Variants in PTPRN2 observed in about 807,000 individuals in gnomAD.
PTPRN2 encodes receptor-type tyrosine-protein phosphatase N2.
Under a neutral mutation model 118.8 loss-of-function variants are expected in PTPRN2, and 74 were observed. The observed-to-expected ratio is 0.62, with a 90% CI of 0.52 to 0.76. The LOEUF is 0.76. Ranked by LOEUF, PTPRN2 falls within the 30% of genes least tolerant of loss-of-function variation. PTPRN2 has a pLI of 0.00. For missense variants in PTPRN2, 1,481 were observed against 1,394.4 expected (o/e 1.06, Z -0.99); for synonymous variants, 641 against 608.0 (o/e 1.05, Z -0.80).
intron 3 of PTPRN2, among the ~76,000 whole-genome samples, chr7:158,244,319 G>A (rs1177105499): frequency 6.6e-6 from 1 of 152,252 alleles, no homozygotes; most frequent in Non-Finnish European, 1.5e-5. Flanking sequence ...ATTAAAAGGT[G>A]AAAGGTCAAG....
intron 1 of PTPRN2, among the ~76,000 whole-genome samples, chr7:158,493,156 C>G (rs1429005467): frequency 6.6e-6 from 1 of 152,224 alleles, no homozygotes; most frequent in Non-Finnish European, 1.5e-5. Flanking sequence ...AGGGGTTCCT[C>G]CTCACTCTGT....
chr7:158,242,328 TAGAG>T (rs1218780881), intron 3 of PTPRN2, among the ~76,000 whole-genome samples: 5 of 152,216 alleles, frequency 3.3e-5, no homozygotes, highest in Admixed American at 1.3e-4. Flanking sequence ...TCTTTTCAAT[TAGAG>T]AGAATTCTAA....
Position 158,522,794 on chromosome 7 carries a change from T to A in PTPRN2, c.113-33009A>T, listed in dbSNP as rs146992937. On this transcript the variant is annotated intron_variant, in intron 1 of 22. Transcript: ENST00000389418. ...TTCTCACGTGGACATTGGCTTTCCT[T>A]GTCTTGAGAGCAGCTCACCATCACG... is the stretch of plus-strand genomic sequence containing the variant. Among the ~76,000 whole-genome samples the A allele has an allele frequency of 5.9e-4, 90 of 152,240 alleles. 2 individuals are homozygous for A. The East Asian group carries it at 0.016, about 27-fold the overall frequency.
intron 3 of PTPRN2, among the ~76,000 whole-genome samples, chr7:158,314,436 C>T (rs180749076): frequency 1.1e-3 from 174 of 152,380 alleles, no homozygotes; most frequent in African/African-American, 3.9e-3. Flanking sequence ...CCATGTTTGT[C>T]CCTGCGTGGG....
At chr7:158,107,934 AAGTCC>A (rs1350058958) in intron 10 of PTPRN2, among the ~76,000 whole-genome samples, 2 of 146,854 alleles carry the variant, frequency 1.4e-5, no homozygotes, top group Non-Finnish European at 3.0e-5. Flanking sequence ...GGATCTGGGA[AAGTCC>A]CCTGCCCACT....
chr7:158,415,452 G>A (rs1814578906), intron 2 of PTPRN2, among the ~76,000 whole-genome samples: 1 of 152,082 alleles, frequency 6.6e-6, no homozygotes, highest in South Asian at 2.1e-4. Flanking sequence ...CACCACCTGG[G>A]ACCCTGAAAA....
At chr7:158,560,445 G>A (rs1827304244) in intron 1 of PTPRN2, among the ~76,000 whole-genome samples, 1 of 152,360 alleles carries the variant, frequency 6.6e-6, no homozygotes, top group African/African-American at 2.4e-5. Context: ...CAAATGGGGG[G>A]TTTGCTTATT....
At chr7:158,092,275 T>TGC (rs1491488167) in intron 10 of PTPRN2, among the ~76,000 whole-genome samples, 2 of 142,346 alleles carry the variant, frequency 1.4e-5, no homozygotes, top group African/African-American at 5.6e-5. Context: ...TATACATATA[T>TGC]GTGTGTGTGT....
chr7:157,982,728 G>A (rs1339718237), intron 11 of PTPRN2, among the ~76,000 whole-genome samples: 2 of 118,936 alleles, frequency 1.7e-5, no homozygotes, highest in East Asian at 2.7e-4. Flanking sequence ...CCTAAACCCC[G>A]AGTCACAGAG....
At chr7:158,008,637 A>C (rs1296822551) in intron 11 of PTPRN2, among the ~76,000 whole-genome samples, 3 of 152,184 alleles carry the variant, frequency 2.0e-5, no homozygotes, top group African/African-American at 7.2e-5. Flanking sequence ...CCTGCCCCCC[A>C]CCAGCAGGCA....
intron 13 of PTPRN2, among the ~76,000 whole-genome samples, chr7:157,657,837 C>CCA (rs201244710): frequency 9.9e-6 from 1 of 100,534 alleles, no homozygotes; most frequent in Non-Finnish European, 2.1e-5. Flanking sequence ...CACACATACA[C>CCA]CACACACACC....
chr7:157,763,127 C>T lies in PTPRN2; in HGVS notation c.1789-80190G>A, dbSNP rs552044513. ...GAGCCCACGGCCGCCCACTCATGGT[C>T]GGTCACAGGGTTAACCCTCCATCAG... On this transcript the variant is annotated intron_variant, in intron 12 of 22. Transcript: ENST00000389418. The surrounding 1 kb of genome is among the most constrained non-coding windows in gnomAD (Gnocchi z 4.9). Among the ~76,000 whole-genome samples the T allele has an allele frequency of 2.0e-3, 267 of 130,872 alleles. 2 individuals are homozygous for T. Among genetic ancestry groups the T allele is most frequent in the African/African-American group, 7.9e-3 (258 of 32,692 alleles). 85.9% of individuals were successfully genotyped at this position (130,872 alleles called of 152,430 possible).
intron 3 of PTPRN2, among the ~76,000 whole-genome samples, chr7:158,243,993 C>T (rs1796043241): frequency 6.6e-6 from 1 of 152,202 alleles, no homozygotes. Context: ...GTATCTAATA[C>T]CTCCTAAGCA....
chr7:157,998,601 T>A (rs1416992864), intron 11 of PTPRN2, among the ~76,000 whole-genome samples: 2 of 152,082 alleles, frequency 1.3e-5, no homozygotes, highest in African/African-American at 2.4e-5. Context: ...GGCAAGTGGA[T>A]CACCTGAAGT....
At chr7:157,557,209 C>T (rs1798942596) in intron 21 of PTPRN2, among the ~76,000 whole-genome samples, 1 of 150,790 alleles carries the variant, frequency 6.6e-6, no homozygotes, top group Non-Finnish European at 1.5e-5. Flanking sequence ...ACACACCCCA[C>T]TTACATAGGT....
At chr7:158,098,947 C>T (rs1033927963) in intron 10 of PTPRN2, among the ~76,000 whole-genome samples, 9 of 151,662 alleles carry the variant, frequency 5.9e-5, no homozygotes, top group Non-Finnish European at 1.0e-4. Context: ...CCTTGAAGAC[C>T]CACTTCTTCT....
rs980507830 is a variant in PTPRN2, at chr7:157,576,625, A to C, written c.2771T>G (p.Leu924Arg). Residue 924 changes from leucine (L) to arginine (R), a missense_variant, in exon 19 of 23, where the codon CTG becomes CGG. Leu to Arg is a moderately radical substitution (Grantham distance 102). Coordinates refer to ENST00000389418, the MANE Select transcript of PTPRN2 (RefSeq NM_002847.5). ...CCGCGCGTCATACCTGCGGAAGTCC[A>C]GGAGGGACCTTGAGGAGGAAGGGAC... ...RGVPSSSRSLLDFRRKVNKCY... is the reference protein window; with the variant it reads ...RGVPSSSRSLRDFRRKVNKCY... The C allele has an allele frequency of 4.3e-6, 7 of 1,611,612 alleles. No homozygotes were observed. In the African/African-American group the frequency reaches 9.4e-5, roughly 22 times the overall value.
intron 18 of PTPRN2, 46 bp from the exon 19 acceptor site, chr7:157,576,825 T>C (rs1440948020): frequency 2.6e-6 from 4 of 1,509,758 alleles, no homozygotes; most frequent in Middle Eastern, 1.7e-4. Flanking sequence ...GGTGTGGACA[T>C]TGTGAACCGA....
At chr7:157,928,955 A>G (rs1799193609) in intron 11 of PTPRN2, among the ~76,000 whole-genome samples, 1 of 152,060 alleles carries the variant, frequency 6.6e-6, no homozygotes, top group Non-Finnish European at 1.5e-5. Flanking sequence ...CAGGCTGCAG[A>G]TGATGCTCAG....
Sources: gnomAD v4.1 joint callset for allele counts (sites outside exome capture counted in the v4.1 genomes callset) on GRCh38, gnomAD v4.1.1 for gene constraint, Gnocchi (gnomAD v3.1) non-coding constraint, MANE v1.5 for transcripts, NCBI Gene and HGNC (gene_info 2026-07-23, HGNC 2026-07-21) for gene names.